GSN: variants seen among roughly 807,000 people sequenced by gnomAD.
GSN encodes the protein gelsolin.
Under a neutral mutation model 85.7 loss-of-function variants are expected in GSN, and 56 were observed. That is an observed-to-expected ratio of 0.65 (90% CI 0.53 to 0.82). The LOEUF is 0.82. Among genes scored for constraint, GSN ranks in the 40% least tolerant of loss-of-function variants. The probability of loss-of-function intolerance (pLI) is 0.00; values close to 1 mark genes in which losing one functional copy is unlikely to be tolerated. For synonymous variants in GSN, 373 were observed against 399.1 expected (o/e 0.93, Z 0.78); for missense variants, 857 against 979.8 (o/e 0.87, Z 1.67).
intron 4 of GSN, among the ~76,000 whole-genome samples, chr9:121,215,083 C>G (rs2054035853): frequency 6.6e-6 from 1 of 152,122 alleles, no homozygotes; most frequent in South Asian, 2.1e-4. Context: ...TGGTAGCCGG[C>G]AATCCTTGTT....
intron 2 of GSN, chr9:121,286,530 C>T (rs1324384542): frequency 3.9e-5 from 53 of 1,344,004 alleles, no homozygotes; most frequent in Non-Finnish European, 4.9e-5. Context: ...ATTTATCCTC[C>T]AAGGCTCTGC....
At chr9:121,285,903 A>C (rs528689108) in intron 2 of GSN, among the ~76,000 whole-genome samples, 7 of 152,300 alleles carry the variant, frequency 4.6e-5, no homozygotes, top group African/African-American at 1.7e-4. Context: ...CTTCCCCCCA[A>C]AATTGACGGC....
chr9:121,202,823 T>A (rs1014233668), upstream of GSN, among the ~76,000 whole-genome samples: 3 of 152,246 alleles, frequency 2.0e-5, no homozygotes, highest in Non-Finnish European at 4.4e-5. Context: ...TTTTTTCTTC[T>A]GACTTTAAAA....
intron 16 of GSN, 78 bp from the exon 17 acceptor site, chr9:121,331,310 G>A: frequency 1.2e-6 from 1 of 836,134 alleles, no homozygotes; most frequent in Non-Finnish European, 2.0e-6. Flanking sequence ...CTGATACCTG[G>A]CCCCTCCCCA....
upstream of GSN, among the ~76,000 whole-genome samples, chr9:121,267,769 C>A (rs1296583192): frequency 6.6e-6 from 1 of 152,072 alleles, no homozygotes; most frequent in Non-Finnish European, 1.5e-5. Flanking sequence ...CTCCTGAAGT[C>A]CGTTCTCTCC....
At chr9:121,304,969 C>CA (rs1432241638) in intron 4 of GSN, among the ~76,000 whole-genome samples, 1 of 152,142 alleles carries the variant, frequency 6.6e-6, no homozygotes, top group African/African-American at 2.4e-5. Flanking sequence ...AGGGAGTGCT[C>CA]AGCTCTGAGA....
intron 1 of GSN, among the ~76,000 whole-genome samples, chr9:121,278,451 T>TC (rs1588642086): frequency 6.6e-6 from 1 of 152,078 alleles, no homozygotes; most frequent in African/African-American, 2.4e-5. Flanking sequence ...TGCTCCAGTA[T>TC]CCCCCCATCC....
chr9:121,327,472 C>T lies in GSN; in HGVS notation c.1752C>T (p.Gly584=), dbSNP rs1204931609. The change falls in exon 14 of 18, where the codon GGC becomes GGT. Residue 584 remains glycine, a synonymous_variant. Transcript: ENST00000432226. ...LRAQPVQVAE[G]SEPDGFWEAL... ...CCCAACCTGTGCAGGTGGCAGAAGG[C>T]AGCGAGCCAGGTAGGAGCCGGGGTG... The T allele has an allele frequency of 1.9e-6, 3 of 1,575,530 alleles. No individual in the cohort carries two copies. The Admixed American group carries it at 5.6e-5, about 29-fold the overall frequency.
At chr9:121,224,472 C>T (rs2054235156) in intron 4 of GSN, among the ~76,000 whole-genome samples, 1 of 151,996 alleles carries the variant, frequency 6.6e-6, no homozygotes, top group Admixed American at 6.6e-5. Context: ...TTACTTTGTT[C>T]CTCTTCCTCT....
intron 1 of GSN, among the ~76,000 whole-genome samples, chr9:121,276,634 T>C (rs369991973): frequency 9.1e-4 from 138 of 152,338 alleles, no homozygotes; most frequent in African/African-American, 3.1e-3. Context: ...ACTTCATGGC[T>C]ACAGATACTT....
rs779217957 is a variant in GSN at position 121,302,918 on chromosome 9, G to A, written c.204G>A (p.Glu68=). The stretch of plus-strand genomic sequence containing the variant: ...TGCTCTGATGTCCCGTAGGCAATGA[G>A]TGCAGCCAGGATGAGAGCGGGGCGG... The part of the protein sequence containing the change: ...QYDLHYWLGN[E]CSQDESGAAA... The change falls in exon 4 of 18, where the codon GAG becomes GAA. Residue 68 remains glutamate, a synonymous_variant. Transcript: ENST00000432226. The A allele has an allele frequency of 2.5e-6, 4 of 1,613,732 alleles. No individual in the cohort carries two copies. Among genetic ancestry groups the A allele is most frequent in the African/African-American group, 1.3e-5 (1 of 74,938 alleles).
intron 3 of GSN, 104 bp downstream of exon 3, chr9:121,302,271 A>G: frequency 2.3e-6 from 3 of 1,310,618 alleles, no homozygotes; most frequent in South Asian, 2.4e-5. Context: ...AGCACCTAGT[A>G]TGTGCTGGGC....
chr9:121,236,194 TAA>T (rs2054489013), intron 5 of GSN, among the ~76,000 whole-genome samples: 1 of 152,164 alleles, frequency 6.6e-6, no homozygotes, highest in Non-Finnish European at 1.5e-5. Flanking sequence ...TTCCATTATT[TAA>T]CATGTTGTTG....
intron 1 of GSN, among the ~76,000 whole-genome samples, chr9:121,279,379 G>A (rs2057058864): frequency 1.3e-5 from 2 of 152,172 alleles, no homozygotes; most frequent in South Asian, 4.1e-4. Context: ...AGGATGCATT[G>A]TAGGAGGGAG....
At chr9:121,269,878 C>T (rs2055674199) in intron 1 of GSN, among the ~76,000 whole-genome samples, 1 of 152,216 alleles carries the variant, frequency 6.6e-6, no homozygotes, top group African/African-American at 2.4e-5. Context: ...TCCCCGCCTC[C>T]CTCCTTTCAG....
At chr9:121,203,292 A>AC (rs1259512465), upstream of GSN, 1 of 152,186 alleles carries the variant, frequency 6.6e-6, no homozygotes, top group Non-Finnish European at 1.5e-5. Flanking sequence ...GGAGGGAGGG[A>AC]CCACCCAGGT....
intron 4 of GSN, among the ~76,000 whole-genome samples, chr9:121,212,079 G>T (rs974416429): frequency 7.2e-5 from 11 of 151,990 alleles, no homozygotes; most frequent in African/African-American, 2.7e-4. Flanking sequence ...CCACCTTCCC[G>T]TTTTTCTGTA....
intron 4 of GSN, among the ~76,000 whole-genome samples, chr9:121,226,295 A>G (rs1440853971): frequency 6.6e-6 from 1 of 152,256 alleles, no homozygotes; most frequent in African/African-American, 2.4e-5. Flanking sequence ...CCTGGAGTTT[A>G]CAGTCTCACT....
At chr9:121,278,159 T>C (rs1034326879) in intron 1 of GSN, among the ~76,000 whole-genome samples, 7 of 151,982 alleles carry the variant, frequency 4.6e-5, no homozygotes, top group African/African-American at 1.7e-4. Flanking sequence ...TGCCCAGACA[T>C]CTTAGCTGTG....
Sources: gnomAD v4.1 joint callset for allele counts (sites outside exome capture counted in the v4.1 genomes callset) on GRCh38, gnomAD v4.1.1 for gene constraint, MANE v1.5 for transcripts, NCBI Gene and HGNC (gene_info 2026-07-23, HGNC 2026-07-21) for gene names.